Variants in OR1J2 observed in about 807,000 individuals in gnomAD.
The protein encoded by OR1J2 is olfactory receptor family 1 subfamily J member 2.
For missense variants in OR1J2, 304 were observed against 246.1 expected, an observed-to-expected ratio of 1.24 and a Z score of -1.57; for synonymous variants, 142 against 99.7, an observed-to-expected ratio of 1.42 and a Z score of -2.52.
chr9:122,478,831 G>C, the OR1J2 span, among the ~76,000 whole-genome samples: 2 of 152,174 alleles, frequency 1.3e-5, no homozygotes, highest in African/African-American at 4.8e-5. Context: ...CAAGGCTGGA[G>C]TGCAGTGGTG....
chr9:122,476,180 T>G, the OR1J2 span, among the ~76,000 whole-genome samples: 11 of 152,334 alleles, frequency 7.2e-5, no homozygotes, highest in African/African-American at 2.6e-4. Flanking sequence ...TGGGCTATAT[T>G]CTGGAAGGAC....
At chr9:122,474,330 C>T in the OR1J2 span, among the ~76,000 whole-genome samples, 123 of 152,268 alleles carry the variant, frequency 8.1e-4, no homozygotes, top group African/African-American at 2.9e-3. Flanking sequence ...TGAGATAAGC[C>T]TAAGAGCTTC....
At chr9:122,460,895 C>A in the OR1J2 span, among the ~76,000 whole-genome samples, 1 of 151,974 alleles carries the variant, frequency 6.6e-6, no homozygotes, top group African/African-American at 2.4e-5. Flanking sequence ...AGGTTGAGTT[C>A]TTGATTTGAT....
chr9:122,514,679 T>C (rs1349693814), downstream of OR1J2, among the ~76,000 whole-genome samples: 1 of 152,204 alleles, frequency 6.6e-6, no homozygotes, highest in Non-Finnish European at 1.5e-5. Context: ...AAAGAGGAAT[T>C]AGTTTTATAA....
At chr9:122,456,101 G>T in the OR1J2 span, among the ~76,000 whole-genome samples, 1 of 152,060 alleles carries the variant, frequency 6.6e-6, no homozygotes, top group Non-Finnish European at 1.5e-5. Flanking sequence ...CGGCAGTTTT[G>T]TAGTATATTT....
chr9:122,548,641 C>A, the OR1J2 span, among the ~76,000 whole-genome samples: 1 of 151,494 alleles, frequency 6.6e-6, no homozygotes, highest in Admixed American at 6.6e-5. Flanking sequence ...GTGTGCACAA[C>A]GTGCAGGTTT....
chr9:122,534,662 G>A, the OR1J2 span, among the ~76,000 whole-genome samples: 5 of 152,216 alleles, frequency 3.3e-5, no homozygotes, highest in Middle Eastern at 3.4e-3. Flanking sequence ...TCGGCCTGGC[G>A]AGGAGGGGAG....
chr9:122,478,851 C>A, the OR1J2 span, among the ~76,000 whole-genome samples: 38 of 149,580 alleles, frequency 2.5e-4, no homozygotes, highest in African/African-American at 9.1e-4. Flanking sequence ...GAGATCTCGG[C>A]ACACTGTAAC....
At chr9:122,519,013 T>G in the OR1J2 span, 1 of 667,024 alleles carries the variant, frequency 1.5e-6, no homozygotes, top group Non-Finnish European at 2.6e-6. Context: ...GACATAGCAA[T>G]GTAGACAGAC....
chr9:122,568,418 G>A, the OR1J2 span: 1 of 1,613,222 alleles, frequency 6.2e-7, no homozygotes, highest in Non-Finnish European at 8.5e-7. Context: ...CCTCAGGCCG[G>A]GAGGAGAGTC....
At chr9:122,467,850 CA>C in the OR1J2 span, among the ~76,000 whole-genome samples, 1 of 152,146 alleles carries the variant, frequency 6.6e-6, no homozygotes, top group Non-Finnish European at 1.5e-5. Flanking sequence ...TCCAAATCCC[CA>C]TACTGTATTA....
chr9:122,523,777 A>G, the OR1J2 span, among the ~76,000 whole-genome samples: 1 of 152,302 alleles, frequency 6.6e-6, no homozygotes, highest in South Asian at 2.1e-4. Flanking sequence ...AAACAAACTG[A>G]AGACCATTTG....
At chr9:122,528,091 A>G in the OR1J2 span, among the ~76,000 whole-genome samples, 1 of 152,242 alleles carries the variant, frequency 6.6e-6, no homozygotes, top group Non-Finnish European at 1.5e-5. Flanking sequence ...GATAGAAAGT[A>G]ACTTTCTAGG....
At chr9:122,532,895 C>T in the OR1J2 span, among the ~76,000 whole-genome samples, 2 of 152,018 alleles carry the variant, frequency 1.3e-5, no homozygotes, top group African/African-American at 2.4e-5. Flanking sequence ...TAGTCGGACA[C>T]GATCAGCAGG....
chr9:122,472,643 A>C, the OR1J2 span, among the ~76,000 whole-genome samples: 1 of 152,366 alleles, frequency 6.6e-6, no homozygotes, highest in Non-Finnish European at 1.5e-5. Context: ...AGGTATAATC[A>C]AGGCTATGGA....
At chr9:122,518,118 A>G in the OR1J2 span, among the ~76,000 whole-genome samples, 1 of 152,224 alleles carries the variant, frequency 6.6e-6, no homozygotes, top group African/African-American at 2.4e-5. Context: ...AATGTCCATC[A>G]ATGATAGACT....
At chr9:122,540,029 G>A in the OR1J2 span, among the ~76,000 whole-genome samples, 3 of 152,250 alleles carry the variant, frequency 2.0e-5, no homozygotes, top group South Asian at 2.1e-4. Context: ...TCTGTCAGAT[G>A]AGTAGATTGC....
the OR1J2 span, among the ~76,000 whole-genome samples, chr9:122,540,631 A>C: frequency 2.6e-5 from 4 of 152,134 alleles, no homozygotes; most frequent in Non-Finnish European, 4.4e-5. Context: ...ACTTTAAAGT[A>C]GTTTTTTCCA....
the OR1J2 span, chr9:122,576,626 A>G: frequency 6.6e-6 from 1 of 152,150 alleles, no homozygotes; most frequent in Non-Finnish European, 1.5e-5. Context: ...CACTGTGAGA[A>G]CCAGGTAGAA....
Sources: allele counts gnomAD v4.1 joint callset (sites outside exome capture counted in the v4.1 genomes callset), GRCh38; gene constraint gnomAD v4.1.1; transcripts MANE v1.5; gene names NCBI Gene and HGNC (gene_info 2026-07-23, HGNC 2026-07-21).